LEF1: variants seen among roughly 807,000 people sequenced by gnomAD.
LEF1 encodes the protein lymphoid enhancer binding factor 1, also known as lymphoid enhancer-binding factor 1.
Under a neutral mutation model 51.2 loss-of-function variants are expected in LEF1, and 14 were observed. That is an observed-to-expected ratio of 0.27 (90% CI 0.18 to 0.43). The LOEUF (loss-of-function observed/expected upper bound fraction) is 0.43, where lower values mean the gene tolerates loss of function less well. Among genes scored for constraint, LEF1 ranks in the 20% least tolerant of loss-of-function variants. The pLI is 1.00. For missense variants in LEF1, 386 were observed against 512.0 expected, an observed-to-expected ratio of 0.75 and a Z score of 2.37; for synonymous variants, 185 against 183.2, an observed-to-expected ratio of 1.01 and a Z score of -0.08.
rs78490463 is a variant in LEF1 at position 108,056,336 on chromosome 4, T to C, written c.*6+7287A>G. ...TCTGGACAGCTTTCCAATTTCCAGT[T>C]TTCTTTTTGGCCCAACTGCTCTACT... is the stretch of plus-strand genomic sequence containing the variant. On this transcript the variant is annotated intron_variant, in intron 11 of 11. Transcript: ENST00000265165. Among the ~76,000 whole-genome samples, 1,210 of 152,282 alleles carry C rather than the reference T, an allele frequency of 7.9e-3. 13 individuals carry two copies. The highest frequency in any genetic ancestry group is 0.028 in the African/African-American group (1,143 of 41,550).
chr4:108,166,339 T>TC, intron 1 of LEF1: 1 of 1,519,864 alleles, frequency 6.6e-7, no homozygotes, highest in Non-Finnish European at 8.8e-7. Flanking sequence ...ACCCAAAATG[T>TC]CCCCGCCCTC....
rs529173837 is a variant in LEF1 at position 108,163,736 on chromosome 4, G to T, written c.281-35C>A. ...TCCAAAGAACAATCAATGATGCACT[G>T]ACTTCCCTTTTATATTACTGTATTT... On this transcript the variant is annotated intron_variant, in intron 2 of 11. Transcript: ENST00000265165. The T allele has an allele frequency of 2.5e-6, 4 of 1,602,128 alleles. No homozygotes were observed. The South Asian group carries it at 4.5e-5, about 18-fold the overall frequency.
rs1250539856 is a variant in LEF1, at chr4:108,099,562, G to A, written c.415-10305C>T. Among the ~76,000 whole-genome samples, 48 of 57,634 alleles carry A rather than the reference G, an allele frequency of 8.3e-4. 1 individual carries two copies. The highest frequency in any genetic ancestry group is 2.3e-3 in the African/African-American group (28 of 12,176). 37.8% of individuals were successfully genotyped at this position (57,634 alleles called of 152,430 possible). On this transcript the variant is annotated intron_variant, in intron 3 of 11. Coordinates refer to ENST00000265165, the MANE Select transcript of LEF1 (RefSeq NM_016269.5). ...TGTATATGTGTGTGTGTGTATGTGT[G>A]TGTGTGTGTATATATATATATATAT...
chr4:108,100,450 A>G (rs1740747316), intron 3 of LEF1, among the ~76,000 whole-genome samples: 3 of 152,258 alleles, frequency 2.0e-5, no homozygotes, highest in Non-Finnish European at 4.4e-5. Context: ...CTGTGAATAT[A>G]AAATCAAAGA....
At chr4:108,109,364 T>A (rs1168505222) in intron 3 of LEF1, among the ~76,000 whole-genome samples, 5 of 152,158 alleles carry the variant, frequency 3.3e-5, no homozygotes. Flanking sequence ...GGACAAGTTG[T>A]TTTCCAGTAT....
Position 108,079,489 on chromosome 4 carries a change from T to C in LEF1, c.845+3A>G, listed in dbSNP as rs751203820. 6.2e-7 allele frequency: 1 copy of C among 1,614,018 alleles called. No homozygotes were observed. The highest frequency in any genetic ancestry group is 8.5e-7 in the Non-Finnish European group (1 of 1,180,012). Reference sequence around the variant, plus strand: ...TCACAGCAGAGCCCGGGTGGATACTTACACGTGCATTAGGTCACTGTCAGT... The same window carrying C: ...TCACAGCAGAGCCCGGGTGGATACTCACACGTGCATTAGGTCACTGTCAGT... On this transcript the variant is annotated splice_donor_region_variant and intron_variant, in intron 7 of 11. Coordinates refer to ENST00000265165, the MANE Select transcript of LEF1 (RefSeq NM_016269.5).
At position 108,083,278 on chromosome 4, in the gene LEF1, T is replaced by C. The variant is rs967713519; in HGVS notation, c.638+78A>G. ...TCAACTCCACAAGTGTTACCATTCA[T>C]AAATCTAATTTCCATGAATGGAAAG... is the stretch of plus-strand genomic sequence containing the variant. On this transcript the variant is annotated intron_variant, in intron 5 of 11. Transcript: ENST00000265165. The C allele has an allele frequency of 1.2e-5, 12 of 984,622 alleles. No homozygotes were observed. The African/African-American group carries it at 1.6e-4, about 13-fold the overall frequency. 61.0% of individuals were successfully genotyped at this position (984,622 alleles called of 1,614,324 possible).
chr4:108,078,695 G>A (rs559741915), intron 7 of LEF1, among the ~76,000 whole-genome samples: 105 of 152,290 alleles, frequency 6.9e-4, no homozygotes, highest in African/African-American at 2.3e-3. Context: ...TTGTGAAGAT[G>A]CTCCAGATGG....
intron 11 of LEF1, among the ~76,000 whole-genome samples, chr4:108,055,985 C>T (rs899466811): frequency 9.2e-5 from 14 of 152,176 alleles, no homozygotes; most frequent in African/African-American, 2.7e-4. Context: ...GGACATCTGT[C>T]GGGCTGCTGT....
chr4:108,110,832 A>G (rs1193394227), intron 3 of LEF1, among the ~76,000 whole-genome samples: 1 of 152,202 alleles, frequency 6.6e-6, no homozygotes, highest in Non-Finnish European at 1.5e-5. Context: ...GCTGCTTAGT[A>G]AGCACACTGC....
chr4:108,058,184 T>A (rs1047416409), intron 11 of LEF1, among the ~76,000 whole-genome samples: 1 of 152,176 alleles, frequency 6.6e-6, no homozygotes, highest in African/African-American at 2.4e-5. Context: ...TTTTTTTATC[T>A]TTTAAAAGTA....
intron 9 of LEF1, among the ~76,000 whole-genome samples, chr4:108,066,335 C>T (rs1442791935): frequency 3.9e-5 from 6 of 152,196 alleles, no homozygotes; most frequent in African/African-American, 1.4e-4. Context: ...TTTCCCAACC[C>T]TTCAACCCGT....
chr4:108,051,747 T>A (rs1737008016), intron 11 of LEF1, among the ~76,000 whole-genome samples: 1 of 150,474 alleles, frequency 6.6e-6, no homozygotes, highest in South Asian at 2.1e-4. Context: ...CGAACCCCCC[T>A]GATGCTCTCC....
At chr4:108,050,977 C>T (rs1400719829) in intron 11 of LEF1, among the ~76,000 whole-genome samples, 1 of 152,194 alleles carries the variant, frequency 6.6e-6, no homozygotes, top group East Asian at 1.9e-4. Flanking sequence ...CCTAAGGGTG[C>T]CTTCTCCTCC....
At chr4:108,090,576 T>G (rs1040382835) in intron 3 of LEF1, among the ~76,000 whole-genome samples, 2 of 152,190 alleles carry the variant, frequency 1.3e-5, no homozygotes, top group African/African-American at 4.8e-5. Context: ...TATTTATTTT[T>G]TATTGATATG....
chr4:108,139,206 G>A (rs554587845), intron 3 of LEF1, among the ~76,000 whole-genome samples: 7 of 152,238 alleles, frequency 4.6e-5, no homozygotes, highest in South Asian at 4.1e-4. Flanking sequence ...GTGTGGAAGC[G>A]GCTCTGCCAT....
intron 3 of LEF1, among the ~76,000 whole-genome samples, chr4:108,104,217 T>C (rs891591981): frequency 6.6e-6 from 1 of 151,892 alleles, no homozygotes; most frequent in African/African-American, 2.4e-5. Context: ...AAAGTCATAG[T>C]AACAAAGTAG....
chr4:108,109,814 CCAT>C (rs1271381745), intron 3 of LEF1, among the ~76,000 whole-genome samples: 2 of 152,020 alleles, frequency 1.3e-5, no homozygotes, highest in African/African-American at 4.8e-5. Context: ...AAGTTATTTT[CCAT>C]CATCAAGTGT....
chr4:108,157,185 C>CACACACACACAT (rs1560829922), intron 3 of LEF1, among the ~76,000 whole-genome samples: 21 of 145,114 alleles, frequency 1.4e-4, no homozygotes, highest in Non-Finnish European at 3.2e-4. Context: ...TATATACACA[C>CACACACACACAT]ACACACACAC....
Sources: allele counts gnomAD v4.1 joint callset (sites outside exome capture counted in the v4.1 genomes callset), GRCh38; gene constraint gnomAD v4.1.1; transcripts MANE v1.5; gene names NCBI Gene and HGNC (gene_info 2026-07-23, HGNC 2026-07-21).